The following HIKESHI variants were observed in gnomAD, a reference collection of about 807,000 sequenced individuals.
The protein encoded by HIKESHI is protein Hikeshi.
A neutral mutation model predicts 25.7 loss-of-function variants in HIKESHI; 13 were observed. The observed-to-expected ratio is 0.51, with a 90% confidence interval of 0.33 to 0.80. The LOEUF is 0.80. Ranked by LOEUF, HIKESHI falls within the 30% of genes least tolerant of loss-of-function variation. The probability of loss-of-function intolerance (pLI) is 0.02; values close to 1 mark genes in which losing one functional copy is unlikely to be tolerated. For missense variants in HIKESHI, 174 were observed against 229.5 expected (o/e 0.76, Z 1.56); for synonymous variants, 76 against 78.7 (o/e 0.97, Z 0.18).
At chr11:86,305,986 GC>G (rs1252521305) in intron 1 of HIKESHI, among the ~76,000 whole-genome samples, 1 of 152,088 alleles carries the variant, frequency 6.6e-6, no homozygotes, top group Non-Finnish European at 1.5e-5. Context: ...CAGGTGATCT[GC>G]CCGCCTTGGC....
chr11:86,322,591 G>GT (rs1339004870), intron 2 of HIKESHI, among the ~76,000 whole-genome samples: 2 of 152,104 alleles, frequency 1.3e-5, no homozygotes, highest in East Asian at 3.9e-4. Flanking sequence ...CTCTAGCAGT[G>GT]TTTTTTGTAG....
chr11:86,326,756 A>G, intron 2 of HIKESHI: 1 of 318,232 alleles, frequency 3.1e-6, no homozygotes, highest in Non-Finnish European at 6.2e-6. Flanking sequence ...AGAAATATGC[A>G]GTGCATCTTC....
Position 86,307,957 on chromosome 11 carries a change from AT to A in HIKESHI, c.268+1477del, listed in dbSNP as rs1430345012. Among the ~76,000 whole-genome samples, 423 of 44,828 alleles carry A rather than the reference AT, an allele frequency of 9.4e-3. 6 individuals are homozygous for A. Among genetic ancestry groups the A allele is most frequent in the East Asian group, 0.017 (18 of 1,072 alleles). 29.4% of individuals were successfully genotyped at this position (44,828 alleles called of 152,430 possible). A position where few individuals can be genotyped will look rare whatever the true frequency, so the allele number is the denominator to read the frequency against. On this transcript the variant is annotated intron_variant, in intron 2 of 4. Transcript: ENST00000278483. ...AAAATATATATTATGTGTAATATAT[AT>A]TATATAAAATATATATGTGTAATAT...
rs570006785 is a variant in HIKESHI, at chr11:86,337,192, A to G, written c.269-187A>G. Among the ~76,000 whole-genome samples the G allele has an allele frequency of 5.3e-5, 8 of 152,278 alleles. No individual in the cohort carries two copies. In the East Asian group the frequency reaches 1.5e-3, roughly 29 times the overall value. ...GCTATTTTTCTGGTGGGAAACTTTT[A>G]GTTCTTTTATTCTTTGTTAATATGC... On this transcript the variant is annotated intron_variant, in intron 2 of 4. Coordinates refer to ENST00000278483, the MANE Select transcript of HIKESHI (RefSeq NM_016401.4).
rs748494007 is a variant in HIKESHI at position 86,306,407 on chromosome 11, C to G, written c.193C>G (p.Pro65Ala). ...TTCTTATCCTGATTCAAATGGAATG[C>G]CAGTATGGCAACTCCTAGGATTTGT... Reference protein sequence around the residue: ...YFSYPDSNGMPVWQLLGFVTN... With the variant: ...YFSYPDSNGMAVWQLLGFVTN... The change falls in exon 2 of 5, where the codon CCA becomes GCA. Residue 65 changes from proline (P) to alanine (A), a missense_variant. Pro to Ala is a conservative substitution (Grantham distance 27). Coordinates refer to ENST00000278483, the MANE Select transcript of HIKESHI (RefSeq NM_016401.4). 6 of 1,613,972 alleles carry G rather than the reference C, an allele frequency of 3.7e-6. No individual in the cohort carries two copies. The highest frequency in any genetic ancestry group is 5.1e-6 in the Non-Finnish European group (6 of 1,179,868).
At chr11:86,329,136 T>C (rs1218266686) in intron 2 of HIKESHI, among the ~76,000 whole-genome samples, 1 of 151,478 alleles carries the variant, frequency 6.6e-6, no homozygotes, top group African/African-American at 2.4e-5. Context: ...TGAGTTAAGA[T>C]GGGAAAAGAA....
chr11:86,317,407 A>T (rs1356408906), intron 2 of HIKESHI, among the ~76,000 whole-genome samples: 1 of 152,196 alleles, frequency 6.6e-6, no homozygotes, highest in African/African-American at 2.4e-5. Context: ...GAAAATGATG[A>T]TGCTAAAAGT....
At chr11:86,323,187 T>C (rs1266465613) in intron 2 of HIKESHI, among the ~76,000 whole-genome samples, 5 of 151,624 alleles carry the variant, frequency 3.3e-5, no homozygotes, top group African/African-American at 4.9e-5. Flanking sequence ...TCTGCAATCA[T>C]ACCATTGCAC....
rs570022016 is a variant in HIKESHI, at chr11:86,328,664, G to C, written c.269-8715G>C. Among the ~76,000 whole-genome samples the C allele has an allele frequency of 8.5e-5, 13 of 152,134 alleles. No homozygotes were observed. In the South Asian group the frequency reaches 2.3e-3, roughly 27 times the overall value. ...TCACCATCTTAGCCAGGCTGGTCTT[G>C]AACTCCTGACCTTGTGATCCTCCTG... is the stretch of plus-strand genomic sequence containing the variant. On this transcript the variant is annotated intron_variant, in intron 2 of 4. Coordinates refer to ENST00000278483, the MANE Select transcript of HIKESHI (RefSeq NM_016401.4).
rs1017192093 is a variant in HIKESHI at position 86,327,907 on chromosome 11, C to T, written c.269-9472C>T. Among the ~76,000 whole-genome samples the T allele has an allele frequency of 9.2e-5, 14 of 152,046 alleles. 1 individual carries two copies. The highest frequency in any genetic ancestry group is 7.2e-4 in the Admixed American group (11 of 15,262). The stretch of plus-strand genomic sequence containing the variant: ...GAACTAAGTTCCTGGATTAAAATGG[C>T]CTTTAAAACAAATGGTATAGGAGGA... On this transcript the variant is annotated intron_variant, in intron 2 of 4. Coordinates refer to ENST00000278483, the MANE Select transcript of HIKESHI (RefSeq NM_016401.4).
At chr11:86,327,506 G>A (rs1947314648) in intron 2 of HIKESHI, among the ~76,000 whole-genome samples, 1 of 152,064 alleles carries the variant, frequency 6.6e-6, no homozygotes, top group Admixed American at 6.6e-5. Flanking sequence ...AGTAGAGACG[G>A]GGTTTCGCCT....
chr11:86,326,416 G>A (rs1947284484), intron 2 of HIKESHI: 2 of 450,766 alleles, frequency 4.4e-6, no homozygotes, highest in East Asian at 1.4e-4. Context: ...CATTGTGAAA[G>A]CTTGGGAAGT....
chr11:86,331,545 T>C (rs1374170454), intron 2 of HIKESHI, among the ~76,000 whole-genome samples: 1 of 152,160 alleles, frequency 6.6e-6, no homozygotes, highest in Non-Finnish European at 1.5e-5. Flanking sequence ...TAAGTGACTG[T>C]TACTGCCCTC....
chr11:86,341,002 A>G (rs1947709806), intron 3 of HIKESHI, among the ~76,000 whole-genome samples: 1 of 152,114 alleles, frequency 6.6e-6, no homozygotes, highest in African/African-American at 2.4e-5. Context: ...TTCTACTTCT[A>G]TTCTGCTCCT....
At chr11:86,334,042 G>A (rs1394554766) in intron 2 of HIKESHI, among the ~76,000 whole-genome samples, 6 of 152,210 alleles carry the variant, frequency 3.9e-5, no homozygotes, top group Non-Finnish European at 7.4e-5. Flanking sequence ...TCCATAAGAC[G>A]CATGTGTTCC....
intron 2 of HIKESHI, among the ~76,000 whole-genome samples, chr11:86,325,890 C>A (rs1365967645): frequency 6.9e-6 from 1 of 145,900 alleles, no homozygotes; most frequent in Admixed American, 6.8e-5. Flanking sequence ...AAAAAAGGCA[C>A]ATGCTTAGTA....
chr11:86,323,925 A>T (rs1250691316), intron 2 of HIKESHI: 2 of 152,168 alleles, frequency 1.3e-5, no homozygotes, highest in African/African-American at 2.4e-5. Flanking sequence ...GTATGGGAAA[A>T]TGGATTTGTT....
chr11:86,325,424 A>T (rs914322392), intron 2 of HIKESHI, among the ~76,000 whole-genome samples: 3 of 152,170 alleles, frequency 2.0e-5, no homozygotes, highest in African/African-American at 7.2e-5. Flanking sequence ...TGTGATAAAT[A>T]CATTTTACCC....
chr11:86,338,499 C>A (rs1947630882), intron 3 of HIKESHI, among the ~76,000 whole-genome samples: 1 of 152,096 alleles, frequency 6.6e-6, no homozygotes, highest in African/African-American at 2.4e-5. Context: ...TTTCTTCTTG[C>A]TTAGTGAAAT....
Sources: allele counts gnomAD v4.1 joint callset (sites outside exome capture counted in the v4.1 genomes callset), GRCh38; gene constraint gnomAD v4.1.1; transcripts MANE v1.5; gene names NCBI Gene and HGNC (gene_info 2026-07-23, HGNC 2026-07-21).